PIGK: variants seen among roughly 807,000 people sequenced by gnomAD.
PIGK encodes phosphatidylinositol glycan anchor biosynthesis class K.
A neutral mutation model predicts 50.6 loss-of-function variants in PIGK; 42 were observed. The observed-to-expected ratio is 0.83, with a 90% confidence interval of 0.65 to 1.07. The LOEUF is 1.07. PIGK is among the 50% of genes least tolerant of loss of function. The probability of loss-of-function intolerance (pLI) is 0.00; values close to 1 mark genes in which losing one functional copy is unlikely to be tolerated. For missense variants in PIGK, 448 were observed against 488.7 expected (o/e 0.92, Z 0.78); for synonymous variants, 151 against 156.0 (o/e 0.97, Z 0.24).
chr1:77,134,062 T>C (rs1654445880), intron 9 of PIGK, among the ~76,000 whole-genome samples: 1 of 152,228 alleles, frequency 6.6e-6, no homozygotes, highest in Non-Finnish European at 1.5e-5. Context: ...GCAGCCATGA[T>C]GATATGTAAA....
At chr1:77,180,774 T>G (rs2100568863) in intron 3 of PIGK, among the ~76,000 whole-genome samples, 1 of 152,240 alleles carries the variant, frequency 6.6e-6, no homozygotes, top group East Asian at 1.9e-4. Flanking sequence ...TTCTTCTGAG[T>G]TTCTGATTAG....
At chr1:77,103,719 G>A (rs554393937) in intron 10 of PIGK, among the ~76,000 whole-genome samples, 24 of 152,148 alleles carry the variant, frequency 1.6e-4, no homozygotes, top group Admixed American at 3.3e-4. Context: ...AGGTTTAGGC[G>A]GTTAGAATTT....
At chr1:77,212,301 T>C (rs910603760) in intron 1 of PIGK, among the ~76,000 whole-genome samples, 4 of 152,134 alleles carry the variant, frequency 2.6e-5, no homozygotes, top group Non-Finnish European at 4.4e-5. Context: ...TTACTAGGTG[T>C]ATAAACAGGA....
At chr1:77,136,390 G>A (rs1324287764) in intron 9 of PIGK, among the ~76,000 whole-genome samples, 1 of 150,988 alleles carries the variant, frequency 6.6e-6, no homozygotes, top group Non-Finnish European at 1.5e-5. Context: ...TTAGCCGGGC[G>A]TAGTGGCGGG....
intron 8 of PIGK, among the ~76,000 whole-genome samples, chr1:77,156,688 C>G (rs547177501): frequency 1.3e-5 from 2 of 152,244 alleles, no homozygotes; most frequent in African/African-American, 4.8e-5. Flanking sequence ...TGCTATACTT[C>G]TTCTCTTCCT....
At chr1:77,166,585 T>C (rs1721144) in intron 5 of PIGK, 134 bp downstream of exon 5, 550,842 of 553,828 alleles carry the variant, frequency 0.99, 273,999 homozygotes, top group East Asian at 1. Flanking sequence ...AGTTCTACAT[T>C]ATGGAAAATA....
At chr1:77,210,914 G>T (rs1348367966) in intron 1 of PIGK, among the ~76,000 whole-genome samples, 3 of 151,992 alleles carry the variant, frequency 2.0e-5, no homozygotes, top group Admixed American at 6.6e-5. Context: ...TCAAATGAAA[G>T]CATACTTACT....
In PIGK at chr1:77,166,771, C is replaced by T. The variant is rs1216673145; in HGVS notation, c.435G>A (p.Arg145=). Residue 145 remains arginine, a synonymous_variant, in exon 5 of 11, where the codon CGG becomes CGA. Transcript: ENST00000370812. ...TGTCATCAGAAAGAAGACGTTTTGA[C>T]CGAGGAGTACTAGGTGGGATCCTCC... The part of the protein sequence containing the change: ...LTGRIPPSTP[R]SKRLLSDDRS... The T allele has an allele frequency of 6.2e-7, 1 of 1,601,808 alleles. No individual in the cohort carries two copies. Among genetic ancestry groups the T allele is most frequent in the African/African-American group, 1.3e-5 (1 of 74,526 alleles).
intron 10 of PIGK, among the ~76,000 whole-genome samples, chr1:77,121,200 A>G (rs1291151485): frequency 6.6e-6 from 1 of 152,170 alleles, no homozygotes; most frequent in Non-Finnish European, 1.5e-5. Flanking sequence ...TTATGCTGAG[A>G]GTCAGGCATG....
chr1:77,166,643 A>C, intron 5 of PIGK, 76 bp downstream of exon 5: 1 of 695,522 alleles, frequency 1.4e-6, no homozygotes, highest in South Asian at 2.0e-5. Context: ...CACGTGTTTA[A>C]ATTTCTTTCC....
At chr1:77,202,151 G>T (rs1343697962) in intron 3 of PIGK, among the ~76,000 whole-genome samples, 2 of 152,070 alleles carry the variant, frequency 1.3e-5, no homozygotes, top group Non-Finnish European at 1.5e-5. Context: ...TAAGTAAATG[G>T]TATTCATAAA....
intron 3 of PIGK, among the ~76,000 whole-genome samples, chr1:77,191,956 T>C (rs1466692330): frequency 6.6e-6 from 1 of 152,196 alleles, no homozygotes; most frequent in Non-Finnish European, 1.5e-5. Context: ...TATAAAACTC[T>C]GTGGAATATC....
Position 77,165,603 on chromosome 1 carries a change from T to TA in PIGK, c.487+1115dup, listed in dbSNP as rs10712374. Among the ~76,000 whole-genome samples, 212 of 128,740 alleles carry TA rather than the reference T, an allele frequency of 1.6e-3. 1 individual carries two copies. Among genetic ancestry groups the TA allele is most frequent in the South Asian group, 3.7e-3 (16 of 4,318 alleles). 84.5% of individuals were successfully genotyped at this position (128,740 alleles called of 152,430 possible). A position where few individuals can be genotyped will look rare whatever the true frequency, so the allele number is the denominator to read the frequency against. ...CTACTACAAGACAGGCAACTGGTGATAAAAAAAAAAAAAAGCAAGAAATAT... is the reference window on the plus strand; with the variant it reads ...CTACTACAAGACAGGCAACTGGTGATAAAAAAAAAAAAAAAGCAAGAAATAT... On this transcript the variant is annotated intron_variant, in intron 5 of 10. Coordinates refer to ENST00000370812, the MANE Select transcript of PIGK (RefSeq NM_005482.3).
intron 8 of PIGK, 142 bp from the exon 9 acceptor site, chr1:77,154,763 A>T (rs1324648977): frequency 1.6e-6 from 1 of 610,694 alleles, no homozygotes; most frequent in East Asian, 3.0e-5. Flanking sequence ...GACCTTAAAG[A>T]TTAAAGTTTC....
intron 10 of PIGK, among the ~76,000 whole-genome samples, chr1:77,111,582 G>A (rs1653845135): frequency 6.8e-6 from 1 of 147,798 alleles, no homozygotes; most frequent in African/African-American, 2.5e-5. Context: ...ACAGGAAGGA[G>A]AACATCACAC....
intron 9 of PIGK, among the ~76,000 whole-genome samples, chr1:77,144,125 A>G (rs1314130758): frequency 2.0e-5 from 3 of 152,020 alleles, no homozygotes; most frequent in Admixed American, 2.0e-4. Context: ...GATTCCAATG[A>G]CTTTGCTTTT....
In PIGK at chr1:77,161,609, TC is replaced by T; in HGVS notation, c.686del (p.Gly229GlufsTer40). ...ATGCACATACCGAGAGTGAATCTTC[TC>T]CCACTTGACTACTAGCTAGAGCCAT... is the stretch of plus-strand genomic sequence containing the variant. Reference protein sequence around the residue: ...NIMALASSQVGEDSLSHQPDP... With the variant: ...NIMALASSQVXEDSLSHQPDP... On this transcript the variant is annotated frameshift_variant, in exon 7 of 11. Coordinates refer to ENST00000370812, the MANE Select transcript of PIGK (RefSeq NM_005482.3). LOFTEE classifies it high-confidence loss of function. 6.8e-7 allele frequency: 1 copy of T among 1,474,982 alleles called. No individual in the cohort carries two copies. The highest frequency in any genetic ancestry group is 9.5e-7 in the Non-Finnish European group (1 of 1,053,064). The allele number at this position is 1,474,982 out of a possible 1,614,324, so 91.4% of individuals were successfully genotyped here.
chr1:77,182,589 A>C (rs1458444953), intron 3 of PIGK, among the ~76,000 whole-genome samples: 1 of 152,112 alleles, frequency 6.6e-6, no homozygotes, highest in Non-Finnish European at 1.5e-5. Context: ...TTTGCATACT[A>C]TTAGTTCTAT....
At chr1:77,138,463 C>T (rs1047985237) in intron 9 of PIGK, among the ~76,000 whole-genome samples, 6 of 152,198 alleles carry the variant, frequency 3.9e-5, no homozygotes, top group Non-Finnish European at 2.9e-5. Flanking sequence ...GTGCAAGGAA[C>T]TGAATTTTGT....
Sources: allele counts gnomAD v4.1 joint callset (sites outside exome capture counted in the v4.1 genomes callset), GRCh38; gene constraint gnomAD v4.1.1; transcripts MANE v1.5; gene names NCBI Gene and HGNC (gene_info 2026-07-23, HGNC 2026-07-21).